The following RAPH1 variants were observed in gnomAD, a reference collection of about 807,000 sequenced individuals.
RAPH1 encodes the protein ras-associated and pleckstrin homology domains-containing protein 1.
Under a neutral mutation model 88.1 loss-of-function variants are expected in RAPH1, and 18 were observed. That is an observed-to-expected ratio of 0.20 (90% CI 0.14 to 0.30). The LOEUF (loss-of-function observed/expected upper bound fraction) is 0.30, where lower values mean the gene tolerates loss of function less well. Ranked by LOEUF, RAPH1 falls within the 10% of genes least tolerant of loss-of-function variation. The pLI is 1.00. For synonymous variants in RAPH1, 587 were observed against 559.0 expected (o/e 1.05, Z -0.71); for missense variants, 1,448 against 1,543.2 (o/e 0.94, Z 1.03).
chr2:203,495,649 A>G (rs1411661109), intron 1 of RAPH1, among the ~76,000 whole-genome samples: 1 of 152,172 alleles, frequency 6.6e-6, no homozygotes, highest in Non-Finnish European at 1.5e-5. Context: ...TTCAATCAGC[A>G]GAGGACATAA....
chr2:203,449,674 C>A (rs1342062630), intron 10 of RAPH1, among the ~76,000 whole-genome samples: 1 of 151,888 alleles, frequency 6.6e-6, no homozygotes, highest in Non-Finnish European at 1.5e-5. Context: ...TTCTGAAAAC[C>A]AAAAAACTAA....
intron 12 of RAPH1, 97 bp from the exon 13 acceptor site, chr2:203,445,107 T>G: frequency 9.0e-7 from 1 of 1,105,300 alleles, no homozygotes; most frequent in East Asian, 2.4e-5. Context: ...CAAGGTCAAG[T>G]GCTGTGTACA....
At chr2:203,457,846 C>T (rs1321372534) in intron 7 of RAPH1, among the ~76,000 whole-genome samples, 2 of 152,190 alleles carry the variant, frequency 1.3e-5, no homozygotes, top group Admixed American at 6.5e-5. Context: ...CTTACCCAGA[C>T]TGTGAGGTGG....
intron 1 of RAPH1, among the ~76,000 whole-genome samples, chr2:203,502,141 C>T (rs1023354520): frequency 6.6e-6 from 1 of 152,212 alleles, no homozygotes; most frequent in African/African-American, 2.4e-5. Context: ...CCTGAATTAA[C>T]TAGCTACCAG....
In RAPH1 at chr2:203,512,249, C is replaced by G. The variant is rs142297795; in HGVS notation, c.1-16896G>C. Among the ~76,000 whole-genome samples, 48 of 149,960 alleles carry G rather than the reference C, an allele frequency of 3.2e-4. 1 individual carries two copies. Among genetic ancestry groups the G allele is most frequent in the Middle Eastern group, 3.5e-3 (1 of 284 alleles). On this transcript the variant is annotated intron_variant, in intron 1 of 13. Transcript: ENST00000319170. ...TTGGAGCCCAGCCTGGCCAACATGA[C>G]GAAACCCTGTCTCTACTAAAAATAC...
intron 1 of RAPH1, among the ~76,000 whole-genome samples, chr2:203,497,474 C>T (rs529269959): frequency 2.6e-5 from 4 of 152,182 alleles, no homozygotes; most frequent in African/African-American, 9.6e-5. Context: ...TCTTATTTCA[C>T]TATATAAAAT....
intron 1 of RAPH1, among the ~76,000 whole-genome samples, chr2:203,502,494 C>T (rs1688777395): frequency 6.6e-6 from 1 of 152,118 alleles, no homozygotes; most frequent in African/African-American, 2.4e-5. Context: ...ATTGTATTGC[C>T]TAAGAGTTAT....
chr2:203,440,159 C>T lies in RAPH1; in HGVS notation c.3031G>A (p.Gly1011Arg). ...GGTAGGGTCTCCTTGCTGGGAGACC[C>T]TGATTCTGCTGGCGGTGTAAACTTG... ...VSKFTPPAES[G>R]SPSKETLPPP... Residue 1011 changes from glycine to arginine, a missense_variant, in exon 14 of 14, where the codon GGG becomes AGG. By Grantham distance (125) the Gly-to-Arg change is moderately radical. Around this residue, in one of 2 missense-constraint regions of RAPH1, gnomAD observed 935 missense variants for 890.1 expected, o/e 1.05. Transcript: ENST00000319170. The T allele has an allele frequency of 1.9e-6, 3 of 1,613,628 alleles. No individual in the cohort carries two copies. The highest frequency in any genetic ancestry group is 2.5e-6 in the Non-Finnish European group (3 of 1,179,986).
intron 1 of RAPH1, among the ~76,000 whole-genome samples, chr2:203,509,738 C>T (rs778323148): frequency 9.2e-5 from 14 of 152,096 alleles, no homozygotes; most frequent in Admixed American, 2.6e-4. Context: ...GGAGGTGGGG[C>T]CTGGTGTGAG....
At chr2:203,442,724 T>A (rs1455025641) in intron 13 of RAPH1, 1 of 152,258 alleles carries the variant, frequency 6.6e-6, no homozygotes, top group Admixed American at 6.5e-5. Context: ...AAAGCATTAC[T>A]GCTGACAGCA....
At chr2:203,524,372 A>ATT (rs1690026440) in intron 1 of RAPH1, among the ~76,000 whole-genome samples, 1 of 152,188 alleles carries the variant, frequency 6.6e-6, no homozygotes, top group Admixed American at 6.5e-5. Flanking sequence ...CACTTTAAAA[A>ATT]TTAAAGTTAA....
intron 2 of RAPH1, among the ~76,000 whole-genome samples, chr2:203,494,842 CAG>C (rs1688443321): frequency 6.9e-6 from 1 of 144,292 alleles, no homozygotes; most frequent in African/African-American, 2.5e-5. Context: ...AAAAGAAAAA[CAG>C]AAAATATTTA....
At chr2:203,502,453 C>T (rs1366148924) in intron 1 of RAPH1, among the ~76,000 whole-genome samples, 1 of 152,142 alleles carries the variant, frequency 6.6e-6, no homozygotes, top group African/African-American at 2.4e-5. Context: ...AGCATAAAAA[C>T]AAACTAGAAC....
At chr2:203,528,594 G>C (rs1289810133) in intron 1 of RAPH1, among the ~76,000 whole-genome samples, 1 of 152,116 alleles carries the variant, frequency 6.6e-6, no homozygotes, top group Non-Finnish European at 1.5e-5. Context: ...TTAAAAACCA[G>C]TAACATAATA....
chr2:203,447,395 A>G (rs2098510950), intron 12 of RAPH1: 1 of 152,320 alleles, frequency 6.6e-6, no homozygotes, highest in Non-Finnish European at 1.5e-5. Context: ...ATTTGTTTTT[A>G]CTTAATAGAG....
intron 1 of RAPH1, among the ~76,000 whole-genome samples, chr2:203,502,238 C>G (rs909077824): frequency 6.6e-6 from 1 of 152,268 alleles, no homozygotes; most frequent in African/African-American, 2.4e-5. Context: ...CCAAACCTTC[C>G]TAACAGAGAG....
intron 9 of RAPH1, 107 bp downstream of exon 9, chr2:203,455,330 C>A: frequency 7.7e-6 from 8 of 1,045,536 alleles, no homozygotes; most frequent in Admixed American, 2.4e-5. Flanking sequence ...ATGTCTTCCA[C>A]GAACTGAAAC....
At chr2:203,478,408 C>T (rs1178748988) in intron 4 of RAPH1, among the ~76,000 whole-genome samples, 1 of 152,070 alleles carries the variant, frequency 6.6e-6, no homozygotes, top group East Asian at 1.9e-4. Context: ...GTACCAAAAT[C>T]ACTTGTTTGG....
intron 4 of RAPH1, among the ~76,000 whole-genome samples, chr2:203,482,946 G>A (rs1687795919): frequency 6.6e-6 from 1 of 152,200 alleles, no homozygotes; most frequent in Non-Finnish European, 1.5e-5. Flanking sequence ...GTAGCTAGGA[G>A]AATGTTACAC....
Sources: allele counts gnomAD v4.1 joint callset (sites outside exome capture counted in the v4.1 genomes callset), GRCh38; gene constraint gnomAD v4.1.1; regional missense constraint gnomAD v4.1.1; transcripts MANE v1.5; gene names NCBI Gene and HGNC (gene_info 2026-07-23, HGNC 2026-07-21).